The following FTCDNL1 variants were observed in gnomAD, a reference collection of about 807,000 sequenced individuals.
The protein encoded by FTCDNL1 is formiminotransferase N-terminal subdomain-containing protein.
In FTCDNL1, 11 loss-of-function variants were observed where a neutral mutation model predicts 5.9. The ratio of observed to expected loss-of-function variants is 1.87; its 90% CI spans 1.18 to 3.10. The LOEUF is 3.10. FTCDNL1 is among the 30% of genes most tolerant of loss of function. FTCDNL1 has a pLI of 0.00. For missense variants in FTCDNL1, 115 were observed against 65.5 expected (o/e 1.76, Z -2.61); for synonymous variants, 58 against 24.8 (o/e 2.34, Z -3.99).
chr2:199,844,386 C>T, intron 3 of FTCDNL1: 1 of 559,280 alleles, frequency 1.8e-6, no homozygotes, highest in Non-Finnish European at 3.3e-6. Context: ...TTACTTCTGG[C>T]CACCACTCCA....
At chr2:199,846,484 G>A (rs2076736424) in intron 2 of FTCDNL1, among the ~76,000 whole-genome samples, 1 of 152,116 alleles carries the variant, frequency 6.6e-6, no homozygotes, top group African/African-American at 2.4e-5. Flanking sequence ...TTCTTCAATA[G>A]CCAAATCATA....
chr2:199,832,023 C>T (rs1457615506), intron 3 of FTCDNL1, among the ~76,000 whole-genome samples: 1 of 152,028 alleles, frequency 6.6e-6, no homozygotes, highest in Non-Finnish European at 1.5e-5. Flanking sequence ...TACAAGTATT[C>T]ATGAAAGTAT....
chr2:199,752,782 A>G, the FTCDNL1 span, among the ~76,000 whole-genome samples: 7,095 of 34,254 alleles, frequency 0.21, 307 homozygotes, highest in Non-Finnish European at 0.35. Context: ...GTGTGTGTGT[A>G]TGTGTGTGTG....
chr2:199,785,726 A>T (rs773890070), intron 3 of FTCDNL1: 1 of 152,196 alleles, frequency 6.6e-6, no homozygotes, highest in Non-Finnish European at 1.5e-5. Flanking sequence ...ATCCTCTCAC[A>T]TCAGCCTCCC....
chr2:199,743,760 T>C, the FTCDNL1 span, among the ~76,000 whole-genome samples: 1 of 152,148 alleles, frequency 6.6e-6, no homozygotes, highest in Non-Finnish European at 1.5e-5. Context: ...AGGGTTCTTC[T>C]AACACTACAT....
Position 199,811,977 on chromosome 2 carries a change from T to C in FTCDNL1, c.*728A>G, listed in dbSNP as rs1256349306. 6.6e-6 allele frequency among the ~76,000 whole-genome samples: 1 copy of C among 152,254 alleles called. No individual in the cohort carries two copies. Among genetic ancestry groups the C allele is most frequent in the Non-Finnish European group, 1.5e-5 (1 of 68,048 alleles). ...AATTCCTTCAAAAGCATAAAGTTCA[T>C]TTTTTAAGCAAAATAAAACATCAGA... On this transcript the variant is annotated 3_prime_UTR_variant, in exon 5 of 5. Transcript: ENST00000420128.
At chr2:199,740,010 C>T in the FTCDNL1 span, among the ~76,000 whole-genome samples, 1 of 152,076 alleles carries the variant, frequency 6.6e-6, no homozygotes, top group South Asian at 2.1e-4. Flanking sequence ...CCCCTGCTGG[C>T]GAGAGTACGC....
chr2:199,692,815 T>A, the FTCDNL1 span, among the ~76,000 whole-genome samples: 1 of 152,252 alleles, frequency 6.6e-6, no homozygotes, highest in Non-Finnish European at 1.5e-5. Context: ...GTAATACAGC[T>A]GTGGCTCAAA....
At chr2:199,696,231 A>G in the FTCDNL1 span, among the ~76,000 whole-genome samples, 1 of 152,234 alleles carries the variant, frequency 6.6e-6, no homozygotes, top group African/African-American at 2.4e-5. Context: ...TGTTGGCTCA[A>G]GCACGCATAC....
the FTCDNL1 span, among the ~76,000 whole-genome samples, chr2:199,687,893 A>C: frequency 6.6e-6 from 1 of 152,254 alleles, no homozygotes; most frequent in Non-Finnish European, 1.5e-5. Flanking sequence ...AGGCTCAAAG[A>C]CTTTATATCA....
chr2:199,838,579 G>T (rs1418246014), intron 3 of FTCDNL1, among the ~76,000 whole-genome samples: 1 of 152,198 alleles, frequency 6.6e-6, no homozygotes, highest in East Asian at 1.9e-4. Context: ...GAGCAGCAGA[G>T]AAGCACCTGA....
the FTCDNL1 span, among the ~76,000 whole-genome samples, chr2:199,751,633 C>T: frequency 2.6e-5 from 4 of 152,114 alleles, no homozygotes; most frequent in African/African-American, 7.2e-5. Context: ...AGCTGCAGGG[C>T]GCCTTTCTCC....
chr2:199,809,440 A>G lies in FTCDNL1; in HGVS notation c.*3265T>C, dbSNP rs942251628. On this transcript the variant is annotated 3_prime_UTR_variant, in exon 5 of 5. Transcript: ENST00000420128. The stretch of plus-strand genomic sequence containing the variant: ...AAATAAATTCACATTTTGCGCTCTT[A>G]TTAAAGAAGATCACAGTCTTTCTTG... Among the ~76,000 whole-genome samples, 4 of 151,974 alleles carry G rather than the reference A, an allele frequency of 2.6e-5. No homozygotes were observed. Among genetic ancestry groups the G allele is most frequent in the Admixed American group, 2.0e-4 (3 of 15,262 alleles).
the FTCDNL1 span, among the ~76,000 whole-genome samples, chr2:199,748,265 T>C: frequency 6.6e-6 from 1 of 152,120 alleles, no homozygotes; most frequent in Non-Finnish European, 1.5e-5. Flanking sequence ...GAGAAAAAAA[T>C]TCTGATGAAG....
intron 3 of FTCDNL1, among the ~76,000 whole-genome samples, chr2:199,844,792 AT>A (rs890578124): frequency 9.7e-4 from 147 of 151,614 alleles, no homozygotes; most frequent in African/African-American, 3.2e-3. Flanking sequence ...ATACTATTTG[AT>A]TTTTTTTTAC....
chr2:199,813,912 CAAAAAAAA>C (rs397987315), intron 4 of FTCDNL1, among the ~76,000 whole-genome samples: 9 of 106,366 alleles, frequency 8.5e-5, no homozygotes, highest in South Asian at 3.0e-4. Context: ...GACTCTGTCT[CAAAAAAAA>C]AAAAAAAAAA....
At chr2:199,786,829 A>T (rs1484259754) in intron 3 of FTCDNL1, among the ~76,000 whole-genome samples, 1 of 152,152 alleles carries the variant, frequency 6.6e-6, no homozygotes, top group Non-Finnish European at 1.5e-5. Flanking sequence ...AACCACACAA[A>T]TTTGTTATCT....
At chr2:199,722,074 G>A in the FTCDNL1 span, among the ~76,000 whole-genome samples, 1 of 152,120 alleles carries the variant, frequency 6.6e-6, no homozygotes, top group Non-Finnish European at 1.5e-5. Flanking sequence ...CATTCTGTAG[G>A]TTGCCTGTTC....
the FTCDNL1 span, among the ~76,000 whole-genome samples, chr2:199,740,412 G>A: frequency 6.6e-6 from 1 of 152,182 alleles, no homozygotes; most frequent in Non-Finnish European, 1.5e-5. Context: ...GCTCTCCAGA[G>A]CCTCTGAATC....
Sources: gnomAD v4.1 joint callset for allele counts (sites outside exome capture counted in the v4.1 genomes callset) on GRCh38, gnomAD v4.1.1 for gene constraint, MANE v1.5 for transcripts, NCBI Gene and HGNC (gene_info 2026-07-23, HGNC 2026-07-21) for gene names.